LSAMP: variants seen among roughly 807,000 people sequenced by gnomAD.
The protein encoded by LSAMP is limbic system associated membrane protein, also known as limbic system-associated membrane protein.
In LSAMP, 7 loss-of-function variants were observed where a neutral mutation model predicts 38.6. The observed-to-expected ratio is 0.18, with a 90% confidence interval of 0.10 to 0.34. LSAMP has a LOEUF of 0.34. LSAMP is among the 10% of genes least tolerant of loss of function. The pLI is 1.00. For synonymous variants in LSAMP, 154 were observed against 166.8 expected (o/e 0.92, Z 0.59); for missense variants, 313 against 420.0 (o/e 0.75, Z 2.23).
intron 1 of LSAMP, among the ~76,000 whole-genome samples, chr3:116,206,519 C>T (rs1352830834): frequency 3.9e-5 from 4 of 102,336 alleles, no homozygotes; most frequent in Admixed American, 2.2e-4. Context: ...TGGATCTTTC[C>T]TGCTTTCTCT....
chr3:115,955,632 G>A (rs1938431310), intron 3 of LSAMP, among the ~76,000 whole-genome samples: 1 of 152,144 alleles, frequency 6.6e-6, no homozygotes, highest in African/African-American at 2.4e-5. Context: ...GGGTCTGCTA[G>A]CCCAGCAGGT....
At chr3:116,370,233 G>C (rs1476130892) in intron 1 of LSAMP, 1 of 152,166 alleles carries the variant, frequency 6.6e-6, no homozygotes, top group African/African-American at 2.4e-5. Flanking sequence ...ACATAAAACA[G>C]AAGACATCAG....
chr3:116,141,224 T>TCCAGA (rs758364084), intron 1 of LSAMP, among the ~76,000 whole-genome samples: 1 of 151,928 alleles, frequency 6.6e-6, no homozygotes, highest in Admixed American at 6.6e-5. Flanking sequence ...AAGATACATA[T>TCCAGA]CCAGACCTGC....
intron 3 of LSAMP, among the ~76,000 whole-genome samples, chr3:115,879,258 G>A (rs907640021): frequency 3.0e-4 from 45 of 152,150 alleles, no homozygotes; most frequent in African/African-American, 1.1e-3. Context: ...CTACAAATGT[G>A]TACATTTAAC....
chr3:115,926,100 T>C (rs538905569), intron 3 of LSAMP, among the ~76,000 whole-genome samples: 4 of 152,148 alleles, frequency 2.6e-5, no homozygotes, highest in African/African-American at 9.6e-5. Context: ...GTGAGATGTA[T>C]GAAGAAGTAC....
At chr3:115,816,667 CA>C (rs1483969657) in intron 6 of LSAMP, 2 of 1,268,510 alleles carry the variant, frequency 1.6e-6, no homozygotes, top group Non-Finnish European at 2.1e-6. Flanking sequence ...AAACATTAAG[CA>C]AAACAAAAAC....
intron 2 of LSAMP, among the ~76,000 whole-genome samples, chr3:116,036,845 T>C (rs1231796975): frequency 1.3e-5 from 2 of 152,172 alleles, no homozygotes; most frequent in Non-Finnish European, 2.9e-5. Flanking sequence ...AAATTCTTAC[T>C]TTGCAGTCCA....
intron 3 of LSAMP, among the ~76,000 whole-genome samples, chr3:115,980,462 T>C (rs908878604): frequency 6.6e-6 from 1 of 152,170 alleles, no homozygotes; most frequent in Non-Finnish European, 1.5e-5. Flanking sequence ...GGTTTCTATT[T>C]GTTAGTGTAG....
At chr3:115,883,868 GATAAA>G (rs1322254409) in intron 3 of LSAMP, among the ~76,000 whole-genome samples, 17 of 152,062 alleles carry the variant, frequency 1.1e-4, no homozygotes, top group Middle Eastern at 3.4e-3. Flanking sequence ...CACAGTGAAA[GATAAA>G]ATAAGAGAGT....
rs181530689 is a variant in LSAMP, at chr3:116,377,385, A to G, written c.155+67492T>C. 7.2e-5 allele frequency among the ~76,000 whole-genome samples: 11 copies of G among 152,130 alleles called. No homozygotes were observed. The East Asian group carries it at 2.1e-3, about 29-fold the overall frequency. ...GAGGTTAATTGGCTTCCAGCTCCAT[A>G]CATGACCCTGCAAAGGACATAATCT... On this transcript the variant is annotated intron_variant, in intron 1 of 6. Coordinates refer to ENST00000490035, the MANE Select transcript of LSAMP (RefSeq NM_002338.5).
intron 6 of LSAMP, among the ~76,000 whole-genome samples, chr3:115,812,535 C>A (rs1387055254): frequency 1.3e-5 from 2 of 152,148 alleles, no homozygotes; most frequent in Admixed American, 6.6e-5. Context: ...GTGGCAACTT[C>A]CCCCAGGGCT....
At chr3:115,987,614 A>G (rs1427976049) in intron 3 of LSAMP, among the ~76,000 whole-genome samples, 2 of 152,170 alleles carry the variant, frequency 1.3e-5, no homozygotes, top group Non-Finnish European at 2.9e-5. Context: ...CAACATCTTC[A>G]AAGTTTAGAA....
At chr3:115,881,903 G>C (rs1031228286) in intron 3 of LSAMP, among the ~76,000 whole-genome samples, 1 of 152,120 alleles carries the variant, frequency 6.6e-6, no homozygotes, top group African/African-American at 2.4e-5. Flanking sequence ...ACTGTGATTA[G>C]TAACATCCAC....
At chr3:116,416,679 C>T (rs886175102) in intron 1 of LSAMP, among the ~76,000 whole-genome samples, 3 of 152,090 alleles carry the variant, frequency 2.0e-5, no homozygotes, top group African/African-American at 7.2e-5. Context: ...CCTATGAACC[C>T]TTCCCTGGTA....
At chr3:115,869,717 T>A (rs1935972059) in intron 3 of LSAMP, among the ~76,000 whole-genome samples, 1 of 152,138 alleles carries the variant, frequency 6.6e-6, no homozygotes. Flanking sequence ...CTTTACCTCT[T>A]AGACTTTGAG....
At chr3:116,242,219 G>T (rs1249045040) in intron 1 of LSAMP, among the ~76,000 whole-genome samples, 1 of 152,170 alleles carries the variant, frequency 6.6e-6, no homozygotes, top group Non-Finnish European at 1.5e-5. Flanking sequence ...AAAAATCGAG[G>T]TCTCCACAGA....
chr3:116,214,871 G>A (rs2046202021), intron 1 of LSAMP, among the ~76,000 whole-genome samples: 1 of 152,086 alleles, frequency 6.6e-6, no homozygotes, highest in African/African-American at 2.4e-5. Context: ...TCTCTAAGTG[G>A]TAAAGAGAGT....
chr3:115,948,604 T>C (rs539686745), intron 3 of LSAMP, among the ~76,000 whole-genome samples: 24 of 152,286 alleles, frequency 1.6e-4, no homozygotes, highest in African/African-American at 4.8e-4. Context: ...ACACAACTTA[T>C]CAAATCCTGT....
At chr3:116,359,357 T>A (rs920917389) in intron 1 of LSAMP, among the ~76,000 whole-genome samples, 2 of 152,096 alleles carry the variant, frequency 1.3e-5, no homozygotes, top group Admixed American at 1.3e-4. Flanking sequence ...ATGATGATGA[T>A]AAAAAAATGC....
Sources: gnomAD v4.1 joint callset for allele counts (sites outside exome capture counted in the v4.1 genomes callset) on GRCh38, gnomAD v4.1.1 for gene constraint, MANE v1.5 for transcripts, NCBI Gene and HGNC (gene_info 2026-07-23, HGNC 2026-07-21) for gene names.